Variants in ASXL2 observed in about 807,000 individuals in gnomAD.
The protein encoded by ASXL2 is ASXL transcriptional regulator 2.
In ASXL2, 23 loss-of-function variants were observed where a neutral mutation model predicts 122.0. The ratio of observed to expected loss-of-function variants is 0.19; its 90% CI spans 0.14 to 0.27. ASXL2 has a LOEUF of 0.27. ASXL2 is among the 10% of genes least tolerant of loss of function. The pLI, the probability that ASXL2 is intolerant of heterozygous loss-of-function variation, is 1.00. For missense variants in ASXL2, 1,518 were observed against 1,713.8 expected (o/e 0.89, Z 2.02); for synonymous variants, 650 against 637.0 (o/e 1.02, Z -0.31).
intron 3 of ASXL2, among the ~76,000 whole-genome samples, chr2:25,820,691 G>A (rs773133432): frequency 2.0e-5 from 3 of 152,240 alleles, no homozygotes; most frequent in Non-Finnish European, 4.4e-5. Context: ...GCACAACTCA[G>A]TAAATTTACT....
Position 25,834,626 on chromosome 2 carries a change from C to A in ASXL2, c.143+912G>T, listed in dbSNP as rs189689865. 1.9e-3 allele frequency among the ~76,000 whole-genome samples: 294 copies of A among 152,220 alleles called. 1 individual carries two copies. The highest frequency in any genetic ancestry group is 6.9e-3 in the African/African-American group (286 of 41,536). On this transcript the variant is annotated intron_variant, in intron 3 of 12. Transcript: ENST00000435504. ...TCCAAGTAACATGAAAATACATGGG[C>A]ATGACTGTTGCCCTCAAGTCTCACA...
chr2:25,860,845 C>T (rs1416359173), intron 1 of ASXL2, among the ~76,000 whole-genome samples: 1 of 152,014 alleles, frequency 6.6e-6, no homozygotes, highest in Non-Finnish European at 1.5e-5. Context: ...AATCCCATCC[C>T]TACAAAAAAT....
intron 1 of ASXL2, among the ~76,000 whole-genome samples, chr2:25,848,305 A>G (rs2089672679): frequency 6.6e-6 from 1 of 152,208 alleles, no homozygotes; most frequent in Non-Finnish European, 1.5e-5. Flanking sequence ...TGGGTTTTAA[A>G]CATCATAAGA....
chr2:25,768,729 C>A lies in ASXL2; in HGVS notation c.631+13G>T. The stretch of plus-strand genomic sequence containing the variant: ...AAAGAAACTTCCATTGAAAAACTGC[C>A]CAAACTGCCTACCAGGTTTGGCAGG... On this transcript the variant is annotated intron_variant, in intron 7 of 12. Transcript: ENST00000435504. The A allele has an allele frequency of 6.2e-7, 1 of 1,606,140 alleles. No individual in the cohort carries two copies. Among genetic ancestry groups the A allele is most frequent in the Non-Finnish European group, 8.5e-7 (1 of 1,176,844 alleles).
chr2:25,798,853 T>C (rs1453385316), intron 5 of ASXL2, among the ~76,000 whole-genome samples: 1 of 152,256 alleles, frequency 6.6e-6, no homozygotes, highest in Non-Finnish European at 1.5e-5. Flanking sequence ...GAAACTATTC[T>C]GTTTGATACT....
intron 5 of ASXL2, among the ~76,000 whole-genome samples, chr2:25,774,243 A>C (rs1022906419): frequency 2.0e-5 from 3 of 152,066 alleles, no homozygotes; most frequent in African/African-American, 7.2e-5. Context: ...CTGCACATGT[A>C]CCCCGAACCT....
At chr2:25,810,477 T>G in intron 3 of ASXL2, 2 of 736,588 alleles carry the variant, frequency 2.7e-6, no homozygotes, top group Non-Finnish European at 4.9e-6. Flanking sequence ...CCAGCTCCTC[T>G]TCAACCAGCT....
At chr2:25,825,946 T>C (rs935907191) in intron 3 of ASXL2, among the ~76,000 whole-genome samples, 11 of 152,298 alleles carry the variant, frequency 7.2e-5, no homozygotes, top group Non-Finnish European at 1.2e-4. Flanking sequence ...GGGAGCTCCA[T>C]AGGTGACCTA....
chr2:25,813,478 A>G (rs1404190889), intron 3 of ASXL2, among the ~76,000 whole-genome samples: 1 of 152,246 alleles, frequency 6.6e-6, no homozygotes, highest in Admixed American at 6.5e-5. Flanking sequence ...ATACAGTCTC[A>G]TGTCAGTTCA....
At chr2:25,797,377 G>A (rs573325019) in intron 5 of ASXL2, among the ~76,000 whole-genome samples, 74 of 152,270 alleles carry the variant, frequency 4.9e-4, no homozygotes, top group African/African-American at 1.2e-3. Flanking sequence ...CCCAGAAGGC[G>A]GAGGTTGCAG....
At chr2:25,834,509 A>G (rs868201654) in intron 3 of ASXL2, among the ~76,000 whole-genome samples, 3 of 152,346 alleles carry the variant, frequency 2.0e-5, no homozygotes, top group Middle Eastern at 3.4e-3. Flanking sequence ...GCTTACAATA[A>G]ACAGGTTCTT....
chr2:25,808,668 A>C (rs1024196119), intron 3 of ASXL2, among the ~76,000 whole-genome samples: 3 of 152,202 alleles, frequency 2.0e-5, no homozygotes, highest in Non-Finnish European at 4.4e-5. Context: ...GCCTGTATCA[A>C]GCCTTTTTTG....
intron 1 of ASXL2, among the ~76,000 whole-genome samples, chr2:25,877,091 T>C (rs2090015974): frequency 6.6e-6 from 1 of 152,190 alleles, no homozygotes; most frequent in African/African-American, 2.4e-5. Flanking sequence ...CTTTTATATT[T>C]AAAAAACTCA....
chr2:25,863,462 G>A (rs2149200905), intron 1 of ASXL2, among the ~76,000 whole-genome samples: 1 of 152,008 alleles, frequency 6.6e-6, no homozygotes, highest in African/African-American at 2.4e-5. Flanking sequence ...GGAGGCCGAG[G>A]CGGGTAGATC....
At chr2:25,751,950 T>C (rs528621047) in intron 11 of ASXL2, among the ~76,000 whole-genome samples, 1 of 152,220 alleles carries the variant, frequency 6.6e-6, no homozygotes, top group Non-Finnish European at 1.5e-5. Flanking sequence ...TTTGGTATTT[T>C]TTTTAGAGAT....
intron 11 of ASXL2, among the ~76,000 whole-genome samples, chr2:25,750,983 G>A (rs1472265898): frequency 6.6e-6 from 1 of 152,186 alleles, no homozygotes; most frequent in Non-Finnish European, 1.5e-5. Flanking sequence ...AATTATAGCT[G>A]AGTTTTGGAA....
In ASXL2 at chr2:25,741,889, A is replaced by T; in HGVS notation, c.*140T>A. 1.3e-6 allele frequency: 1 copy of T among 785,766 alleles called. No individual in the cohort carries two copies. The highest frequency in any genetic ancestry group is 2.0e-6 in the Non-Finnish European group (1 of 500,830). The allele number at this position is 785,766 out of a possible 1,614,324, so 48.7% of individuals were successfully genotyped here. Reference sequence around the variant, plus strand: ...AAAATGTAAAAAATCTGTACTTTGTATTCCTGATTAAGTAACATTTGTCTC... The same window carrying T: ...AAAATGTAAAAAATCTGTACTTTGTTTTCCTGATTAAGTAACATTTGTCTC... On this transcript the variant is annotated 3_prime_UTR_variant, in exon 13 of 13. Transcript: ENST00000435504.
rs2089784150 is a variant in ASXL2 at position 25,856,757 on chromosome 2, G to A, written c.58-11194C>T. On this transcript the variant is annotated intron_variant, in intron 1 of 12. Coordinates refer to ENST00000435504, the MANE Select transcript of ASXL2 (RefSeq NM_018263.6). ...GGTTGACCTTCAGCAGCAGACAGCT[G>A]CAGACCTTCTTCTCAAAGGACTGGG... 5 of 1,307,378 alleles carry A rather than the reference G, an allele frequency of 3.8e-6. No individual in the cohort carries two copies. In the Admixed American group the frequency reaches 6.8e-5, roughly 18 times the overall value. 81.0% of individuals were successfully genotyped at this position (1,307,378 alleles called of 1,614,324 possible). A position where few individuals can be genotyped will look rare whatever the true frequency, so the allele number is the denominator to read the frequency against.
chr2:25,795,608 C>G (rs1271174246), intron 5 of ASXL2, among the ~76,000 whole-genome samples: 3 of 152,138 alleles, frequency 2.0e-5, no homozygotes, highest in South Asian at 4.1e-4. Flanking sequence ...TTTTACAAGA[C>G]TTTCTTTAAT....
Sources: gnomAD v4.1 joint callset for allele counts (sites outside exome capture counted in the v4.1 genomes callset) on GRCh38, gnomAD v4.1.1 for gene constraint, MANE v1.5 for transcripts, NCBI Gene and HGNC (gene_info 2026-07-23, HGNC 2026-07-21) for gene names.